Variants in LAT2 observed in about 807,000 individuals in gnomAD.
LAT2 encodes linker for activation of T-cells family member 2.
In LAT2, 23 loss-of-function variants were observed where a neutral mutation model predicts 43.4. The observed-to-expected ratio is 0.53, with a 90% confidence interval of 0.38 to 0.75. LAT2 has a LOEUF of 0.75. Ranked by LOEUF, LAT2 falls within the 30% of genes least tolerant of loss-of-function variation. LAT2 has a pLI of 0.00. For synonymous variants in LAT2, 128 were observed against 123.2 expected (o/e 1.04, Z -0.26); for missense variants, 284 against 310.2 (o/e 0.92, Z 0.64).
chr7:74,228,705 C>T (rs6947213), intron 13 of LAT2, among the ~76,000 whole-genome samples: 4,703 of 150,352 alleles, frequency 0.031, 239 homozygotes, highest in African/African-American at 0.11. Flanking sequence ...AGGAGAATGG[C>T]GTGAACCTGA....
intron 10 of LAT2, among the ~76,000 whole-genome samples, chr7:74,222,732 C>A (rs1416037640): frequency 1.3e-5 from 2 of 152,104 alleles, no homozygotes; most frequent in African/African-American, 4.8e-5. Flanking sequence ...TGCCACCACG[C>A]CTGGCTAATT....
In LAT2 at chr7:74,220,360, G is replaced by A. The variant is rs2116154114; in HGVS notation, c.265+106G>A. The A allele has an allele frequency of 7.3e-7, 1 of 1,374,968 alleles. No individual in the cohort carries two copies. The highest frequency in any genetic ancestry group is 1.0e-6 in the Non-Finnish European group (1 of 986,362). 85.2% of individuals were successfully genotyped at this position (1,374,968 alleles called of 1,614,324 possible). ...CGTGCAGTGGGGGCTGCGGGGCCAG[G>A]CGAGGCCTCCCCAGGAGAGACACAC... On this transcript the variant is annotated intron_variant, in intron 7 of 13. Transcript: ENST00000460943. This position sits in a 1 kb window ranked among gnomAD's most constrained non-coding sequence, Gnocchi z 4.5.
chr7:74,220,817 C>T lies in LAT2; in HGVS notation c.332+83C>T. ...CCCTGCCCCACCTCTCCCCCTGCCCCACCTGCCTGCCACAGCCCTGGGCTT... is the reference window on the plus strand; with the variant it reads ...CCCTGCCCCACCTCTCCCCCTGCCCTACCTGCCTGCCACAGCCCTGGGCTT... On this transcript the variant is annotated intron_variant, in intron 9 of 13. Transcript: ENST00000460943. The surrounding 1 kb of genome is among the most constrained non-coding windows in gnomAD (Gnocchi z 4.5). 8.0e-7 allele frequency: 1 copy of T among 1,243,486 alleles called. No homozygotes were observed. The highest frequency in any genetic ancestry group is 1.1e-6 in the Non-Finnish European group (1 of 908,582). The allele number at this position is 1,243,486 out of a possible 1,614,324, so 77.0% of individuals were successfully genotyped here. A position where few individuals can be genotyped will look rare whatever the true frequency, so the allele number is the denominator to read the frequency against.
At chr7:74,213,118 T>A (rs1341607934) in intron 1 of LAT2, among the ~76,000 whole-genome samples, 11 of 151,984 alleles carry the variant, frequency 7.2e-5, no homozygotes, top group African/African-American at 2.7e-4. Context: ...TCCATTATTA[T>A]TATTATTATT....
chr7:74,221,772 G>A (rs900856258), intron 10 of LAT2, 80 bp downstream of exon 10: 27 of 1,285,916 alleles, frequency 2.1e-5, no homozygotes, highest in Non-Finnish European at 2.8e-5. Flanking sequence ...GGCAGGAGAG[G>A]AGGCTGGGCC....
chr7:74,227,747 C>T (rs189378063), intron 13 of LAT2, among the ~76,000 whole-genome samples: 3 of 152,198 alleles, frequency 2.0e-5, no homozygotes, highest in African/African-American at 4.8e-5. Flanking sequence ...GTGGCGCATA[C>T]GTGTAGTCCC....
At chr7:74,218,687 C>T (rs571671776) in intron 4 of LAT2, among the ~76,000 whole-genome samples, 1 of 152,102 alleles carries the variant, frequency 6.6e-6, no homozygotes, top group African/African-American at 2.4e-5. Context: ...TAGGAATAGT[C>T]TATTATTTAT....
intron 1 of LAT2, among the ~76,000 whole-genome samples, chr7:74,212,930 G>A (rs531998591): frequency 6.6e-6 from 1 of 152,082 alleles, no homozygotes; most frequent in African/African-American, 2.4e-5. Flanking sequence ...TCTGTGATGC[G>A]CCTCTTACAG....
Position 74,216,012 on chromosome 7 carries a change from G to A in LAT2, c.37G>A (p.Ala13Thr). The part of the protein sequence containing the change: ...SGTELLWPGA[A>T]LLVLLGVAAS... ...GACTGAACTGCTGTGGCCCGGAGCAGCGCTGCTGGTGCTGTTGGGGGTGGC... is the reference window on the plus strand; with the variant it reads ...GACTGAACTGCTGTGGCCCGGAGCAACGCTGCTGGTGCTGTTGGGGGTGGC... The change falls in exon 3 of 14, where the codon GCG (alanine) becomes ACG (threonine). Residue 13 changes from alanine (A) to threonine (T), a missense_variant. By Grantham distance (58) the Ala-to-Thr change is moderately conservative. Transcript: ENST00000460943. The A allele has an allele frequency of 1.2e-6, 2 of 1,613,986 alleles. No homozygotes were observed. Among genetic ancestry groups the A allele is most frequent in the African/African-American group, 1.3e-5 (1 of 75,048 alleles).
intron 3 of LAT2, 81 bp downstream of exon 3, chr7:74,216,150 T>G: frequency 8.1e-7 from 1 of 1,241,708 alleles, no homozygotes; most frequent in Non-Finnish European, 1.1e-6. Flanking sequence ...CAGACGTGGC[T>G]GTGGTCAGAA....
chr7:74,218,931 C>T (rs529828494), intron 4 of LAT2, among the ~76,000 whole-genome samples: 2 of 149,092 alleles, frequency 1.3e-5, no homozygotes, highest in Admixed American at 6.8e-5. Flanking sequence ...CTCCCAACCT[C>T]AGGTGATTCG....
intron 1 of LAT2, among the ~76,000 whole-genome samples, chr7:74,214,077 T>G (rs1554713594): frequency 7.7e-6 from 1 of 129,556 alleles, no homozygotes; most frequent in Non-Finnish European, 1.6e-5. Context: ...TATATAAATA[T>G]ATATATATGA....
At chr7:74,224,334 C>G (rs1377445543) in intron 12 of LAT2, 137 bp downstream of exon 12, 3 of 988,888 alleles carry the variant, frequency 3.0e-6, no homozygotes, top group East Asian at 2.4e-5. Context: ...GCAGGAGCAG[C>G]TGCAGAGACC....
rs1554714885 is a variant in LAT2 at position 74,219,997 on chromosome 7, G to A, written c.216G>A (p.Met72Ile). 1 of 1,613,688 alleles carries A rather than the reference G, an allele frequency of 6.2e-7. No individual in the cohort carries two copies. Among genetic ancestry groups the A allele is most frequent in the Admixed American group, 1.7e-5 (1 of 60,018 alleles). The change falls in exon 6 of 14, where the codon ATG becomes ATA. Residue 72 changes from methionine (M) to isoleucine (I), a missense_variant. Transcript: ENST00000460943. ...GQAWPGPLAD[M>I]APTRKDKLLQ... Reference sequence around the variant, plus strand: ...CATGGCCAGGACCCCTGGCGGACATGGCACCCACAAGGTAGGTCACAGTCC... The same window carrying A: ...CATGGCCAGGACCCCTGGCGGACATAGCACCCACAAGGTAGGTCACAGTCC...
chr7:74,210,398 G>A (rs1332477327), intron 1 of LAT2, among the ~76,000 whole-genome samples: 1 of 152,174 alleles, frequency 6.6e-6, no homozygotes, highest in Admixed American at 6.5e-5. Flanking sequence ...CCCTGGCCTG[G>A]GAGCCTCGGT....
Position 74,219,989 on chromosome 7 carries a change from G to A in LAT2, c.208G>A (p.Ala70Thr). The A allele has an allele frequency of 1.2e-6, 2 of 1,613,660 alleles. No homozygotes were observed. The highest frequency in any genetic ancestry group is 1.7e-6 in the Non-Finnish European group (2 of 1,179,974). ...CGGGCAGGCATGGCCAGGACCCCTG[G>A]CGGACATGGCACCCACAAGGTAGGT... Reference protein sequence around the residue: ...LVGQAWPGPLADMAPTRKDKL... With the variant: ...LVGQAWPGPLTDMAPTRKDKL... The change falls in exon 6 of 14, where the codon GCG becomes ACG. Residue 70 changes from alanine (A) to threonine (T), a missense_variant. Ala to Thr is a moderately conservative substitution (Grantham distance 58). Coordinates refer to ENST00000460943, the MANE Select transcript of LAT2 (RefSeq NM_032464.3).
At chr7:74,221,276 A>T (rs1226936167) in intron 9 of LAT2, among the ~76,000 whole-genome samples, 1 of 151,902 alleles carries the variant, frequency 6.6e-6, no homozygotes, top group Non-Finnish European at 1.5e-5. Flanking sequence ...TTAGCCAGGC[A>T]TGGTGGTGCG....
intron 4 of LAT2, among the ~76,000 whole-genome samples, chr7:74,217,106 A>G (rs1455050088): frequency 6.6e-6 from 1 of 151,708 alleles, no homozygotes; most frequent in Non-Finnish European, 1.5e-5. Context: ...GGGGCTAGCC[A>G]CTCTTCAGCT....
Position 74,216,829 on chromosome 7 carries a change from A to C in LAT2, c.99A>C (p.Ala33=). The C allele has an allele frequency of 4.3e-6, 7 of 1,613,870 alleles. No homozygotes were observed. Among genetic ancestry groups the C allele is most frequent in the Non-Finnish European group, 5.9e-6 (7 of 1,179,812 alleles). ...SLCVRCSRPG[A]KRSEKIYQQR... is the part of the protein sequence containing the mutation. ...AATCCTGGCCTTTTCTTGCAGGTGC[A>C]AAGAGGTCAGAGAAAATCTACCAGC... The change falls in exon 4 of 14, where the codon GCA becomes GCC. Residue 33 remains alanine, a synonymous_variant. Transcript: ENST00000460943.
Sources: allele counts gnomAD v4.1 joint callset (sites outside exome capture counted in the v4.1 genomes callset), GRCh38; gene constraint gnomAD v4.1.1; non-coding constraint Gnocchi (gnomAD v3.1); transcripts MANE v1.5; gene names NCBI Gene and HGNC (gene_info 2026-07-23, HGNC 2026-07-21).